EWSR1: variants seen among roughly 807,000 people sequenced by gnomAD.
EWSR1 encodes RNA-binding protein EWS.
EWSR1 carries 14 observed loss-of-function variants against 92.1 expected under a neutral mutation model. That is an observed-to-expected ratio of 0.15 (90% CI 0.10 to 0.24). EWSR1 has a LOEUF of 0.24. Among genes scored for constraint, EWSR1 ranks in the 10% least tolerant of loss-of-function variants. EWSR1 has a pLI of 1.00. For missense variants in EWSR1, 637 were observed against 870.9 expected, an observed-to-expected ratio of 0.73 and a Z score of 3.38; for synonymous variants, 303 against 292.9, an observed-to-expected ratio of 1.03 and a Z score of -0.35.
chr22:29,268,736 G>C (rs1279006317), intron 1 of EWSR1, among the ~76,000 whole-genome samples: 2 of 152,226 alleles, frequency 1.3e-5, no homozygotes, highest in East Asian at 1.9e-4. Context: ...TGAAACCGCC[G>C]GGGGGCCCGC....
In EWSR1 at chr22:29,299,799, G is replaced by A; in HGVS notation, c.1879G>A (p.Glu627Lys). 1 of 1,580,520 alleles carries A rather than the reference G, an allele frequency of 6.3e-7. No individual in the cohort carries two copies. The highest frequency in any genetic ancestry group is 8.6e-7 in the Non-Finnish European group (1 of 1,160,734). The change falls in exon 16 of 17, where the codon GAA becomes AAA. Residue 627 changes from glutamate (E) to lysine (K), a missense_variant. By Grantham distance (56) the Glu-to-Lys change is moderately conservative. Transcript: ENST00000397938. ...GPGGPPGPLM[E>K]QMGGRRGGRG... ...TGGGGGGCCCCCTGGACCTTTGATG[G>A]AACAGATGGGAGGAAGAAGAGGAGG...
intron 3 of EWSR1, among the ~76,000 whole-genome samples, 168 bp downstream of exon 3, chr22:29,272,599 A>G (rs138408577): frequency 1.3e-5 from 2 of 152,364 alleles, no homozygotes; most frequent in African/African-American, 4.8e-5. Flanking sequence ...CCATTGTGCC[A>G]TCATAAATGA....
At chr22:29,275,993 CT>C (rs999244903) in intron 4 of EWSR1, 3 of 227,662 alleles carry the variant, frequency 1.3e-5, no homozygotes, top group African/African-American at 6.7e-5. Flanking sequence ...TTTTGCTTGG[CT>C]GCTTTTGTGG....
chr22:29,291,853 G>A (rs866501911), intron 9 of EWSR1: 1 of 573,328 alleles, frequency 1.7e-6, no homozygotes, highest in East Asian at 2.9e-5. Flanking sequence ...GGTTTATTTA[G>A]AGGAAAAATT....
At chr22:29,299,985 CTGGGGG>C in intron 16 of EWSR1, 131 bp from the exon 17 acceptor site, 2 of 1,400,882 alleles carry the variant, frequency 1.4e-6, no homozygotes, top group South Asian at 1.3e-5. Flanking sequence ...GAAGGGGCAC[CTGGGGG>C]CTCTGGAAGG....
rs202165398 is a variant in EWSR1 at position 29,298,418 on chromosome 22, A to T, written c.1418-315A>T. Among the ~76,000 whole-genome samples the T allele has an allele frequency of 4.2e-4, 64 of 151,304 alleles. No homozygotes were observed. The East Asian group carries it at 0.012, about 27-fold the overall frequency. On this transcript the variant is annotated intron_variant, in intron 13 of 16. Transcript: ENST00000397938. The stretch of plus-strand genomic sequence containing the variant: ...CTACTCGGGAGGCTGAGGCAGGAGA[A>T]TTGTTTGAATCTGGGGGGGTGGAGG...
At chr22:29,290,924 T>C (rs2060395952) in intron 8 of EWSR1, 1 of 241,878 alleles carries the variant, frequency 4.1e-6, no homozygotes, top group African/African-American at 2.2e-5. Flanking sequence ...TTATTCTAAC[T>C]GATATGTCTA....
At chr22:29,298,018 AT>A in intron 13 of EWSR1, 69 bp downstream of exon 13, 28 of 1,465,606 alleles carry the variant, frequency 1.9e-5, no homozygotes, top group Non-Finnish European at 2.5e-5. Flanking sequence ...GAGAAACTTG[AT>A]TATTAGAGTG....
chr22:29,300,079 C>T lies in EWSR1; in HGVS notation c.1932-43C>T, dbSNP rs73884712. 3.4e-5 allele frequency: 54 copies of T among 1,570,176 alleles called. No homozygotes were observed. The African/African-American group carries it at 8.4e-4, about 24-fold the overall frequency. ...CCTGGGGGCTCTGGAAGGGCTTCCT[C>T]ACCCCTTCCCATTCTAACCGAAGGG... On this transcript the variant is annotated intron_variant, in intron 16 of 16. Transcript: ENST00000397938.
Position 29,282,412 on chromosome 22 carries a change from A to G in EWSR1, c.436A>G (p.Thr146Ala), listed in dbSNP as rs1299337191. 1 of 1,594,772 alleles carries G rather than the reference A, an allele frequency of 6.3e-7. No individual in the cohort carries two copies. The highest frequency in any genetic ancestry group is 8.5e-7 in the Non-Finnish European group (1 of 1,173,514). ...PTRPQDGNKPTETSQPQSSTG... is the reference protein window; with the variant it reads ...PTRPQDGNKPAETSQPQSSTG... ...TAGACCGCAGGATGGAAACAAGCCC[A>G]CTGAGACTAGTCAACCTCAATCTAG... Residue 146 changes from threonine to alanine, a missense_variant, in exon 6 of 17, where the codon ACT becomes GCT. This residue lies in a region of EWSR1 where 144 missense variants were observed against 189.0 expected (regional missense o/e 0.76). Coordinates refer to ENST00000397938, the MANE Select transcript of EWSR1 (RefSeq NM_005243.4).
Position 29,291,591 on chromosome 22 carries a change from A to G in EWSR1, c.1004A>G (p.Lys335Arg). 12 of 1,613,752 alleles carry G rather than the reference A, an allele frequency of 7.4e-6. No homozygotes were observed. The highest frequency in any genetic ancestry group is 1.0e-5 in the Non-Finnish European group (12 of 1,179,894). Residue 335 changes from lysine (K) to arginine (R), a missense_variant, in exon 9 of 17, where the codon AAG (lysine) becomes AGG (arginine). Physicochemically the swap from Lys to Arg is conservative, Grantham distance 26. Coordinates refer to ENST00000397938, the MANE Select transcript of EWSR1 (RefSeq NM_005243.4). ...GSAGERGGFN[K>R]PGGPMDEGPD... is the part of the protein sequence containing the mutation. ...GCTGGAGAGCGAGGTGGCTTCAATA[A>G]GCCTGGTGGTAAGTTTTTGAGTATT...
intron 3 of EWSR1, among the ~76,000 whole-genome samples, chr22:29,273,020 C>T (rs1467002102): frequency 4.6e-5 from 7 of 152,200 alleles, no homozygotes; most frequent in African/African-American, 9.7e-5. Context: ...GAAACATGTT[C>T]TAGGACAAGC....
intron 7 of EWSR1, among the ~76,000 whole-genome samples, chr22:29,287,518 T>G (rs943778686): frequency 2.0e-5 from 3 of 151,770 alleles, no homozygotes; most frequent in Non-Finnish European, 4.4e-5. Context: ...ACGTTTGGAG[T>G]TTTTGAACAG....
Position 29,278,016 on chromosome 22 carries a change from C to T in EWSR1, c.227-14C>T. On this transcript the variant is annotated splice_polypyrimidine_tract_variant and intron_variant, in intron 4 of 16. Coordinates refer to ENST00000397938, the MANE Select transcript of EWSR1 (RefSeq NM_005243.4). Reference sequence around the variant, plus strand: ...AGGGGACCTGAAATCTGATGCAGCTCTCCTTTGTTCTAGGTTATACTACTC... The same window carrying T: ...AGGGGACCTGAAATCTGATGCAGCTTTCCTTTGTTCTAGGTTATACTACTC... 1 of 1,607,664 alleles carries T rather than the reference C, an allele frequency of 6.2e-7. No individual in the cohort carries two copies. Among genetic ancestry groups the T allele is most frequent in the Non-Finnish European group, 8.5e-7 (1 of 1,175,248 alleles).
In EWSR1 at chr22:29,291,206, G is replaced by A. The variant is rs2060417004; in HGVS notation, c.975-356G>A. The A allele has an allele frequency of 2.5e-5, 7 of 284,682 alleles. No homozygotes were observed. The South Asian group carries it at 1.0e-3, about 42-fold the overall frequency. The allele number at this position is 284,682 out of a possible 1,614,324, so 17.6% of individuals were successfully genotyped here. A position where few individuals can be genotyped will look rare whatever the true frequency, so the allele number is the denominator to read the frequency against. ...GAACATGGAAAGGTTTATCACAGCA[G>A]TTAACCCCCACTTGCTCCTCCCCTC... On this transcript the variant is annotated intron_variant, in intron 8 of 16. Coordinates refer to ENST00000397938, the MANE Select transcript of EWSR1 (RefSeq NM_005243.4).
chr22:29,278,086 A>G lies in EWSR1; in HGVS notation c.283A>G (p.Thr95Ala). The G allele has an allele frequency of 6.2e-7, 1 of 1,614,056 alleles. No individual in the cohort carries two copies. Among genetic ancestry groups the G allele is most frequent in the Non-Finnish European group, 8.5e-7 (1 of 1,179,950 alleles). The change falls in exon 5 of 17, where the codon ACT becomes GCT. Residue 95 changes from threonine (T) to alanine (A), a missense_variant. By Grantham distance (58) the Thr-to-Ala change is moderately conservative (BLOSUM62 0). Around this residue, in one of 5 missense-constraint regions of EWSR1, gnomAD observed 144 missense variants for 189.0 expected, o/e 0.76. Coordinates refer to ENST00000397938, the MANE Select transcript of EWSR1 (RefSeq NM_005243.4). ...CAGCCAGCCTGTCCAGGGGTATGGC[A>G]CTGGTGCTTATGATACCACCACTGC... is the stretch of plus-strand genomic sequence containing the variant. The part of the protein sequence containing the change: ...AYSQPVQGYG[T>A]GAYDTTTATV...
At chr22:29,297,220 A>G (rs953528241) in intron 12 of EWSR1, among the ~76,000 whole-genome samples, 3 of 152,164 alleles carry the variant, frequency 2.0e-5, no homozygotes, top group Non-Finnish European at 4.4e-5. Context: ...AAGCCATCTC[A>G]GCTTACTGCA....
intron 6 of EWSR1, among the ~76,000 whole-genome samples, chr22:29,284,321 A>G (rs2059852641): frequency 6.6e-6 from 1 of 151,288 alleles, no homozygotes; most frequent in African/African-American, 2.5e-5. Flanking sequence ...TGGGTTTTCA[A>G]ATTGTTTGAA....
chr22:29,277,150 A>G (rs1003798652), intron 4 of EWSR1: 1 of 226,314 alleles, frequency 4.4e-6, no homozygotes, highest in Non-Finnish European at 8.8e-6. Flanking sequence ...GCTTTGCAGC[A>G]TACCTGTGAA....
Sources: gnomAD v4.1 joint callset for allele counts (sites outside exome capture counted in the v4.1 genomes callset) on GRCh38, gnomAD v4.1.1 for gene constraint, gnomAD v4.1.1 regional missense constraint, MANE v1.5 for transcripts, NCBI Gene and HGNC (gene_info 2026-07-23, HGNC 2026-07-21) for gene names.